The following CSF1 variants were observed in gnomAD, a reference collection of about 807,000 sequenced individuals.
The protein encoded by CSF1 is colony stimulating factor 1.
Under a neutral mutation model 48.9 loss-of-function variants are expected in CSF1, and 9 were observed. That is an observed-to-expected ratio of 0.18 (90% CI 0.11 to 0.32). CSF1 has a LOEUF of 0.32. Among genes scored for constraint, CSF1 ranks in the 10% least tolerant of loss-of-function variants. The pLI is 1.00. For synonymous variants in CSF1, 305 were observed against 284.1 expected (o/e 1.07, Z -0.74); for missense variants, 672 against 697.9 (o/e 0.96, Z 0.42).
chr1:109,927,179 G>A (rs1434128810), intron 8 of CSF1, among the ~76,000 whole-genome samples: 1 of 152,250 alleles, frequency 6.6e-6, no homozygotes, highest in South Asian at 2.1e-4. Context: ...ACTAGCTGGG[G>A]TGACCCAGTC....
intron 8 of CSF1, among the ~76,000 whole-genome samples, chr1:109,927,241 C>T (rs998317930): frequency 2.6e-5 from 4 of 152,252 alleles, no homozygotes; most frequent in African/African-American, 9.6e-5. Context: ...GCAGGGCTCT[C>T]CCATGTGTGG....
At chr1:109,920,722 G>A (rs997767242) in intron 4 of CSF1, among the ~76,000 whole-genome samples, 7 of 152,208 alleles carry the variant, frequency 4.6e-5, no homozygotes, top group Non-Finnish European at 8.8e-5. Context: ...TCCCTGTGAA[G>A]CTCAGTTTAA....
At chr1:109,918,347 G>A (rs1412458523) in intron 4 of CSF1, among the ~76,000 whole-genome samples, 1 of 152,176 alleles carries the variant, frequency 6.6e-6, no homozygotes. Flanking sequence ...GTGGGATTTT[G>A]TCTTAAGGGT....
At chr1:109,912,432 T>G (rs577728252) in intron 1 of CSF1, among the ~76,000 whole-genome samples, 2 of 152,132 alleles carry the variant, frequency 1.3e-5, no homozygotes, top group Admixed American at 1.3e-4. Flanking sequence ...GAAGAGGCAG[T>G]CAGAGGAGAG....
intron 4 of CSF1, among the ~76,000 whole-genome samples, chr1:109,919,659 G>T (rs947012237): frequency 6.6e-6 from 1 of 152,108 alleles, no homozygotes; most frequent in African/African-American, 2.4e-5. Flanking sequence ...TGATACACTG[G>T]GTTTAAGAGT....
At chr1:109,925,866 T>C (rs1647823324) in intron 8 of CSF1, among the ~76,000 whole-genome samples, 2 of 152,134 alleles carry the variant, frequency 1.3e-5, no homozygotes, top group Admixed American at 1.3e-4. Flanking sequence ...CCATGCCATC[T>C]TCCAGTCAGA....
At chr1:109,917,580 C>G (rs1342191778) in intron 4 of CSF1, 117 bp downstream of exon 4, 1 of 1,038,702 alleles carries the variant, frequency 9.6e-7, no homozygotes, top group Non-Finnish European at 1.4e-6. Flanking sequence ...ATTGCTTGCT[C>G]ACTCTCATTT....
At chr1:109,918,481 G>A (rs1195006379) in intron 4 of CSF1, among the ~76,000 whole-genome samples, 1 of 152,220 alleles carries the variant, frequency 6.6e-6, no homozygotes, top group East Asian at 1.9e-4. Flanking sequence ...GAAGGTGTGA[G>A]TCCAGGCTAG....
At chr1:109,914,436 A>T in intron 2 of CSF1, 55 bp downstream of exon 2, 1 of 1,523,930 alleles carries the variant, frequency 6.6e-7, no homozygotes, top group South Asian at 1.3e-5. Flanking sequence ...AAATGAAGGC[A>T]GGAGCCAGGG....
In CSF1 at chr1:109,925,148, C is replaced by A. The variant is rs371141759; in HGVS notation, c.1624C>A (p.Pro542Thr). Residue 542 changes from proline to threonine, a missense_variant and splice_region_variant, in exon 8 of 9, where the codon CCC becomes ACC. This residue lies in a region of CSF1 where 591 missense variants were observed against 593.6 expected (regional missense o/e 1.00). Coordinates refer to ENST00000329608, the MANE Select transcript of CSF1 (RefSeq NM_000757.6). ...ACCAGCCCTGTGCTCTGCCTGCAGCCCCCTGACTCAGGATGACAGACAGGT... is the reference window on the plus strand; with the variant it reads ...ACCAGCCCTGTGCTCTGCCTGCAGCACCCTGACTCAGGATGACAGACAGGT... ...DSPLEQPEGSPLTQDDRQVEL... is the reference protein window; with the variant it reads ...DSPLEQPEGSTLTQDDRQVEL... 1 of 1,613,798 alleles carries A rather than the reference C, an allele frequency of 6.2e-7. No individual in the cohort carries two copies. The highest frequency in any genetic ancestry group is 8.5e-7 in the Non-Finnish European group (1 of 1,179,882).
chr1:109,921,830 C>A lies in CSF1; in HGVS notation c.397-17C>A. On this transcript the variant is annotated splice_polypyrimidine_tract_variant and intron_variant, in intron 4 of 8. Coordinates refer to ENST00000329608, the MANE Select transcript of CSF1 (RefSeq NM_000757.6). The stretch of plus-strand genomic sequence containing the variant: ...CAATGGTCATGCTCACAAAAGGGGG[C>A]CCTGATCTCCTTCCAGGCCTGCGTC... 3.2e-6 allele frequency: 5 copies of A among 1,545,702 alleles called. No individual in the cohort carries two copies. The highest frequency in any genetic ancestry group is 1.4e-5 in the African/African-American group (1 of 73,032).
chr1:109,924,325 C>T (rs1647737263), intron 6 of CSF1, 135 bp downstream of exon 6: 1 of 740,002 alleles, frequency 1.4e-6, no homozygotes, highest in Non-Finnish European at 2.2e-6. Context: ...TGGCTCAGCA[C>T]AGAGGATGAG....
Position 109,910,924 on chromosome 1 carries a change from G to C in CSF1, c.-100G>C. 1 of 912,894 alleles carries C rather than the reference G, an allele frequency of 1.1e-6. No homozygotes were observed. Among genetic ancestry groups the C allele is most frequent in the Non-Finnish European group, 1.4e-6 (1 of 727,196 alleles). 56.5% of individuals were successfully genotyped at this position (912,894 alleles called of 1,614,324 possible). A position where few individuals can be genotyped will look rare whatever the true frequency, so the allele number is the denominator to read the frequency against. On this transcript the variant is annotated 5_prime_UTR_variant, in exon 1 of 9. Transcript: ENST00000329608. ...GAGCCGCTCTCCGCATCCCAGGACAGCGGTGCGGCCCTCGGCCGGGGCGCC... is the reference window on the plus strand; with the variant it reads ...GAGCCGCTCTCCGCATCCCAGGACACCGGTGCGGCCCTCGGCCGGGGCGCC...
At chr1:109,917,787 G>A (rs1570792025) in intron 4 of CSF1, among the ~76,000 whole-genome samples, 1 of 152,184 alleles carries the variant, frequency 6.6e-6, no homozygotes, top group East Asian at 1.9e-4. Flanking sequence ...CCAACAGCAA[G>A]CAGTTATTGT....
chr1:109,915,611 C>T lies in CSF1; in HGVS notation c.163-23C>T, dbSNP rs556270658. On this transcript the variant is annotated intron_variant, in intron 2 of 8. Coordinates refer to ENST00000329608, the MANE Select transcript of CSF1 (RefSeq NM_000757.6). Reference sequence around the variant, plus strand: ...GTTGAGCTGTAGGTTACCCTGCAATCGTTGGCCTGCTCTCTCTTACAGATT... The same window carrying T: ...GTTGAGCTGTAGGTTACCCTGCAATTGTTGGCCTGCTCTCTCTTACAGATT... 52 of 1,607,534 alleles carry T rather than the reference C, an allele frequency of 3.2e-5. No homozygotes were observed. In the Admixed American group the frequency reaches 6.7e-4, roughly 21 times the overall value.
chr1:109,913,403 A>T (rs547132009), intron 1 of CSF1, among the ~76,000 whole-genome samples: 1 of 152,294 alleles, frequency 6.6e-6, no homozygotes, highest in South Asian at 2.1e-4. Flanking sequence ...AGGGGTAGGG[A>T]TGAGGAGACC....
At chr1:109,912,872 GT>G (rs1557730965) in intron 1 of CSF1, among the ~76,000 whole-genome samples, 34 of 150,432 alleles carry the variant, frequency 2.3e-4, no homozygotes. Flanking sequence ...CGTGACTGCC[GT>G]CCCCCTCTTC....
rs1210674354 is a variant in CSF1, at chr1:109,916,696, G to T, written c.226-597G>T. ...TGTTAGGACTAGAGATCACCTCATG[G>T]TCCAAAGAATAGCCTCAGTATTTTA... On this transcript the variant is annotated intron_variant, in intron 3 of 8. Coordinates refer to ENST00000329608, the MANE Select transcript of CSF1 (RefSeq NM_000757.6). Among the ~76,000 whole-genome samples the T allele has an allele frequency of 3.3e-5, 5 of 152,166 alleles. No homozygotes were observed. The East Asian group carries it at 9.6e-4, about 29-fold the overall frequency.
chr1:109,924,658 A>C, intron 6 of CSF1, 118 bp from the exon 7 acceptor site: 1 of 863,470 alleles, frequency 1.2e-6, no homozygotes, highest in Non-Finnish European at 1.8e-6. Context: ...ACTTTTGGGA[A>C]GTTGGGAGGA....
Sources: gnomAD v4.1 joint callset for allele counts (sites outside exome capture counted in the v4.1 genomes callset) on GRCh38, gnomAD v4.1.1 for gene constraint, gnomAD v4.1.1 regional missense constraint, MANE v1.5 for transcripts, NCBI Gene and HGNC (gene_info 2026-07-23, HGNC 2026-07-21) for gene names.